GEMIN5: variants seen among roughly 807,000 people sequenced by gnomAD.
GEMIN5 encodes gem-associated protein 5.
GEMIN5 carries 124 observed loss-of-function variants against 176.9 expected under a neutral mutation model. The ratio of observed to expected loss-of-function variants is 0.70; its 90% CI spans 0.61 to 0.81. The LOEUF is 0.81. Among genes scored for constraint, GEMIN5 ranks in the 40% least tolerant of loss-of-function variants. The probability of loss-of-function intolerance (pLI) is 0.00; values close to 1 mark genes in which losing one functional copy is unlikely to be tolerated. For synonymous variants in GEMIN5, 673 were observed against 665.2 expected (o/e 1.01, Z -0.18); for missense variants, 1,843 against 1,814.6 (o/e 1.02, Z -0.28).
chr5:154,920,812 T>A lies in GEMIN5; in HGVS notation c.1462+531A>T, dbSNP rs1763906724. Among the ~76,000 whole-genome samples the A allele has an allele frequency of 2.6e-5, 4 of 152,266 alleles. No individual in the cohort carries two copies. In the South Asian group the frequency reaches 8.3e-4, roughly 32 times the overall value. The stretch of plus-strand genomic sequence containing the variant: ...GAGACTTTTGATGAATACACTTATG[T>A]AAAAAGCTAATAGAAAAGACTCATT... On this transcript the variant is annotated intron_variant, in intron 10 of 27. Transcript: ENST00000285873.
intron 2 of GEMIN5, among the ~76,000 whole-genome samples, chr5:154,936,301 C>CAGCT (rs1454763380): frequency 6.6e-6 from 1 of 152,046 alleles, no homozygotes; most frequent in Non-Finnish European, 1.5e-5. Flanking sequence ...CCTGTAGTTC[C>CAGCT]AGCTACTCGA....
At chr5:154,898,988 T>G (rs1314336205) in intron 22 of GEMIN5, among the ~76,000 whole-genome samples, 9 of 152,224 alleles carry the variant, frequency 5.9e-5, no homozygotes, top group African/African-American at 1.9e-4. Context: ...GAGGTTTTTC[T>G]TGAATAGTTA....
chr5:154,932,314 AT>A, intron 3 of GEMIN5, 64 bp from the exon 4 acceptor site: 1 of 1,289,102 alleles, frequency 7.8e-7, no homozygotes. Flanking sequence ...TCTAGTAAAC[AT>A]TTTGGCTTGG....
At chr5:154,937,532 A>AT (rs1207607088) in intron 1 of GEMIN5, among the ~76,000 whole-genome samples, 3 of 152,232 alleles carry the variant, frequency 2.0e-5, no homozygotes, top group Non-Finnish European at 4.4e-5. Flanking sequence ...CTAAGGCACA[A>AT]TCAAAGCCTA....
Position 154,896,310 on chromosome 5 carries a change from G to C in GEMIN5, c.3379C>G (p.Leu1127Val). 6.3e-7 allele frequency: 1 copy of C among 1,599,420 alleles called. No homozygotes were observed. The highest frequency in any genetic ancestry group is 8.5e-7 in the Non-Finnish European group (1 of 1,173,996). Residue 1127 changes from leucine (L) to valine (V), a missense_variant, in exon 24 of 28, where the codon CTG becomes GTG. Coordinates refer to ENST00000285873, the MANE Select transcript of GEMIN5 (RefSeq NM_015465.5). The part of the protein sequence containing the change: ...QRLVFCLLEL[L>V]SRHLEEKQLS... ...TGCTTTTCCTCCAGATGCCTGGACA[G>C]TAGCTCCAGAAGGCAAAACACCAAT...
intron 22 of GEMIN5, 124 bp downstream of exon 22, chr5:154,899,067 T>C: frequency 1.1e-6 from 1 of 912,730 alleles, no homozygotes. Flanking sequence ...TGAATATACA[T>C]ATCTTTTAAA....
chr5:154,913,904 G>A (rs1057016617), intron 13 of GEMIN5, among the ~76,000 whole-genome samples: 5 of 152,216 alleles, frequency 3.3e-5, no homozygotes, highest in Admixed American at 6.5e-5. Context: ...AGGAGACTGA[G>A]GTGGGAGGAC....
chr5:154,912,004 C>T (rs549958117), intron 14 of GEMIN5, 106 bp from the exon 15 acceptor site: 16 of 1,015,604 alleles, frequency 1.6e-5, no homozygotes, highest in South Asian at 3.6e-5. Context: ...AAACAATCTG[C>T]GGCCTCTTAT....
chr5:154,920,337 A>G (rs1763898980), intron 10 of GEMIN5, among the ~76,000 whole-genome samples: 1 of 152,210 alleles, frequency 6.6e-6, no homozygotes, highest in South Asian at 2.1e-4. Context: ...GATGTAACAT[A>G]TTTGCTTTAA....
At position 154,932,145 on chromosome 5, in the gene GEMIN5, G is replaced by T; in HGVS notation, c.615C>A (p.Pro205=). Residue 205 remains proline (P), a synonymous_variant, in exon 4 of 28, where the codon CCC becomes CCA. Transcript: ENST00000285873. ...TAGATAAACAATCTTCACCAGGCAG[G>T]GGACACCAGGCTATGGAGTGGATTT... is the stretch of plus-strand genomic sequence containing the variant. ...DDEIHSIAWC[P]LPGEDCLSIN... The T allele has an allele frequency of 1.2e-6, 2 of 1,613,580 alleles. No homozygotes were observed. Among genetic ancestry groups the T allele is most frequent in the African/African-American group, 2.7e-5 (2 of 75,012 alleles).
At chr5:154,917,572 G>C (rs1230309378) in intron 12 of GEMIN5, among the ~76,000 whole-genome samples, 1 of 152,118 alleles carries the variant, frequency 6.6e-6, no homozygotes, top group Non-Finnish European at 1.5e-5. Flanking sequence ...GCTGAATTAT[G>C]ACTGTGTTAC....
chr5:154,936,322 CAGG>C (rs929641422), intron 2 of GEMIN5, among the ~76,000 whole-genome samples: 16 of 150,432 alleles, frequency 1.1e-4, no homozygotes, highest in African/African-American at 3.9e-4. Context: ...GAGGCTGAGG[CAGG>C]AGAATGGCGT....
chr5:154,888,612 C>G (rs1273587305), intron 27 of GEMIN5, among the ~76,000 whole-genome samples: 5 of 152,186 alleles, frequency 3.3e-5, no homozygotes, highest in African/African-American at 9.6e-5. Flanking sequence ...CAATCTCTTT[C>G]TACAGCCCTA....
chr5:154,899,310 CCT>C lies in GEMIN5; in HGVS notation c.3015-2_3015-1del, dbSNP rs1405410517. 1 of 1,610,238 alleles carries C rather than the reference CCT, an allele frequency of 6.2e-7. No homozygotes were observed. The highest frequency in any genetic ancestry group is 2.2e-5 in the East Asian group (1 of 44,790). On this transcript the variant is annotated splice_acceptor_variant, in intron 21 of 27. Transcript: ENST00000285873. LOFTEE classifies it high-confidence loss of function. ...GGGCCTTGGCAATCGCAATAGCTTC[CCT>C]AAAGGCAAGAACAGACCCTTTAGCC...
At chr5:154,931,405 C>G (rs1249870425) in intron 5 of GEMIN5, 53 bp downstream of exon 5, 84 of 1,539,928 alleles carry the variant, frequency 5.5e-5, no homozygotes, top group Non-Finnish European at 6.9e-5. Flanking sequence ...AGAAAACCCT[C>G]TACTTCCACC....
At chr5:154,936,917 C>T in intron 2 of GEMIN5, 108 bp downstream of exon 2, 1 of 803,712 alleles carries the variant, frequency 1.2e-6, no homozygotes. Flanking sequence ...TTAATGAACA[C>T]AATTACAAGT....
In GEMIN5 at chr5:154,896,134, G is replaced by C. The variant is rs758455478; in HGVS notation, c.3555C>G (p.Asn1185Lys). ...TATTTGTAGCAGATGGGTACTTGATGTTCTGCAGCTTCTGAAAGGCTTCCT... is the reference window on the plus strand; with the variant it reads ...TATTTGTAGCAGATGGGTACTTGATCTTCTGCAGCTTCTGAAAGGCTTCCT... ...QYQEAFQKLQ[N>K]IKYPSATNNT... Residue 1185 changes from asparagine (N) to lysine (K), a missense_variant, in exon 24 of 28, where the codon AAC becomes AAG. Physicochemically the swap from Asn to Lys is moderately conservative, Grantham distance 94. Coordinates refer to ENST00000285873, the MANE Select transcript of GEMIN5 (RefSeq NM_015465.5). 1 of 1,613,838 alleles carries C rather than the reference G, an allele frequency of 6.2e-7. No homozygotes were observed. The highest frequency in any genetic ancestry group is 8.5e-7 in the Non-Finnish European group (1 of 1,179,940).
At chr5:154,927,922 T>C (rs1764080854) in intron 6 of GEMIN5, among the ~76,000 whole-genome samples, 1 of 151,686 alleles carries the variant, frequency 6.6e-6, no homozygotes, top group African/African-American at 2.4e-5. Flanking sequence ...GCCCAGGAGG[T>C]TGAGGCTGCA....
At chr5:154,933,712 G>C (rs1764210370) in intron 3 of GEMIN5, among the ~76,000 whole-genome samples, 1 of 152,030 alleles carries the variant, frequency 6.6e-6, no homozygotes, top group Non-Finnish European at 1.5e-5. Context: ...AAACACTAGA[G>C]TATGTCAACC....
Sources: gnomAD v4.1 joint callset for allele counts (sites outside exome capture counted in the v4.1 genomes callset) on GRCh38, gnomAD v4.1.1 for gene constraint, MANE v1.5 for transcripts, NCBI Gene and HGNC (gene_info 2026-07-23, HGNC 2026-07-21) for gene names.